STT3A: variants seen among roughly 807,000 people sequenced by gnomAD.
STT3A encodes dolichyl-diphosphooligosaccharide--protein glycosyltransferase subunit STT3A.
Under a neutral mutation model 89.2 loss-of-function variants are expected in STT3A, and 34 were observed. The ratio of observed to expected loss-of-function variants is 0.38; its 90% confidence interval spans 0.29 to 0.51. The LOEUF (loss-of-function observed/expected upper bound fraction) is 0.51, where lower values mean the gene tolerates loss of function less well. Among genes scored for constraint, STT3A ranks in the 20% least tolerant of loss-of-function variants. STT3A has a pLI of 0.89. For missense variants in STT3A, 555 were observed against 889.5 expected, an observed-to-expected ratio of 0.62 and a Z score of 4.78; for synonymous variants, 282 against 310.3, an observed-to-expected ratio of 0.91 and a Z score of 0.96.
At chr11:125,615,093 T>C (rs1940138416) in intron 15 of STT3A, among the ~76,000 whole-genome samples, 1 of 151,990 alleles carries the variant, frequency 6.6e-6, no homozygotes, top group Non-Finnish European at 1.5e-5. Context: ...CTGGGCAACA[T>C]AGTGAAACCT....
At chr11:125,592,533 G>A, upstream of STT3A, 3 of 453,140 alleles carry the variant, frequency 6.6e-6, no homozygotes, top group Non-Finnish European at 1.3e-5. Context: ...AGTGGGCCGC[G>A]CCTTCCCACT....
rs1286167519 is a variant in STT3A at position 125,598,951 on chromosome 11, AC to A, written c.149+1835del. ...CCAATCTGTTAGGCTTCTTTCTCAG[AC>A]CCTCTGAATGAGCAAATATTGATGT... On this transcript the variant is annotated intron_variant, in intron 3 of 17. Coordinates refer to ENST00000392708, the MANE Select transcript of STT3A (RefSeq NM_152713.5). Among the ~76,000 whole-genome samples the A allele has an allele frequency of 3.3e-5, 5 of 152,080 alleles. No homozygotes were observed. In the East Asian group the frequency reaches 9.6e-4, roughly 29 times the overall value.
rs1940097915 is a variant in STT3A at position 125,614,025 on chromosome 11, T to C, written c.1555-62T>C. 2.0e-6 allele frequency: 3 copies of C among 1,468,642 alleles called. No individual in the cohort carries two copies. Among genetic ancestry groups the C allele is most frequent in the Non-Finnish European group, 2.9e-6 (3 of 1,051,646 alleles). The allele number at this position is 1,468,642 out of a possible 1,614,324, so 91.0% of individuals were successfully genotyped here. On this transcript the variant is annotated intron_variant, in intron 13 of 17. Transcript: ENST00000392708. The surrounding 1 kb of genome is among the most constrained non-coding windows in gnomAD (Gnocchi z 4.9). ...TGTCAGACCAAAGATGCCTTCTCTG[T>C]TGCATTTGATTTTTAGAGACAGTGA...
At chr11:125,610,555 A>G (rs970237117) in intron 10 of STT3A, among the ~76,000 whole-genome samples, 19 of 56,666 alleles carry the variant, frequency 3.4e-4, no homozygotes, top group African/African-American at 1.7e-3. Context: ...CCACGTCTTA[A>G]AAAAAACAAC....
At position 125,620,817 on chromosome 11, in the gene STT3A, C is replaced by T. The variant is rs1015243086; in HGVS notation, c.*7C>T. ...AGGCTTGTCAAGGACATAAATGTCA[C>T]GTCCAGCTCTGATATGCTTCGCACT... is the stretch of plus-strand genomic sequence containing the variant. On this transcript the variant is annotated 3_prime_UTR_variant, in exon 18 of 18. Coordinates refer to ENST00000392708, the MANE Select transcript of STT3A (RefSeq NM_152713.5). 95 of 1,612,322 alleles carry T rather than the reference C, an allele frequency of 5.9e-5. No homozygotes were observed. Among genetic ancestry groups the T allele is most frequent in the Non-Finnish European group, 7.8e-5 (92 of 1,179,324 alleles).
At chr11:125,600,115 A>G (rs959678862) in intron 3 of STT3A, among the ~76,000 whole-genome samples, 3 of 148,298 alleles carry the variant, frequency 2.0e-5, no homozygotes, top group Non-Finnish European at 4.5e-5. Context: ...CAATGGCACA[A>G]TCTCAGCTCA....
intron 7 of STT3A, among the ~76,000 whole-genome samples, 180 bp downstream of exon 7, chr11:125,605,915 G>A (rs1402999692): frequency 6.6e-6 from 1 of 151,750 alleles, no homozygotes; most frequent in Non-Finnish European, 1.5e-5. Context: ...GCTTCCACTT[G>A]CTCACATATC....
At chr11:125,610,057 CTT>C (rs66578574) in intron 10 of STT3A, among the ~76,000 whole-genome samples, 204 of 106,000 alleles carry the variant, frequency 1.9e-3, no homozygotes, top group Middle Eastern at 4.7e-3. Flanking sequence ...TAACTTTTAC[CTT>C]TTTTTTTTTT....
In STT3A at chr11:125,618,925, G is replaced by A. The variant is rs144927311; in HGVS notation, c.1963+364G>A. Among the ~76,000 whole-genome samples the A allele has an allele frequency of 1.6e-3, 238 of 152,120 alleles. 2 individuals are homozygous for A. The highest frequency in any genetic ancestry group is 5.4e-3 in the African/African-American group (226 of 41,490). ...TTTTTAAAACTTTTTGTAGAGATGA[G>A]GTCTCACTATGTTGTCTGGGCTGGT... is the stretch of plus-strand genomic sequence containing the variant. On this transcript the variant is annotated intron_variant, in intron 16 of 17. Transcript: ENST00000392708.
chr11:125,618,475 T>C lies in STT3A; in HGVS notation c.1877T>C (p.Val626Ala), dbSNP rs587777216. Residue 626 changes from valine (V) to alanine (A), a missense_variant, in exon 16 of 18, where the codon GTG becomes GCG. Coordinates refer to ENST00000392708, the MANE Select transcript of STT3A (RefSeq NM_152713.5). ...DYYTPTGEFR[V>A]DREGSPVLLN... ...TATACTCCAACTGGGGAGTTCCGTG[T>C]GGACCGTGAAGGTTCTCCAGTGCTG... 2 of 1,614,106 alleles carry C rather than the reference T, an allele frequency of 1.2e-6. No individual in the cohort carries two copies. The highest frequency in any genetic ancestry group is 1.7e-6 in the Non-Finnish European group (2 of 1,180,026).
chr11:125,612,908 A>T, intron 12 of STT3A, 81 bp from the exon 13 acceptor site: 1 of 1,543,988 alleles, frequency 6.5e-7, no homozygotes, highest in Non-Finnish European at 8.9e-7. Context: ...TCTCATCTAT[A>T]TGAATGTGTC....
Position 125,597,012 on chromosome 11 carries a change from T to C in STT3A, c.89-47T>C, listed in dbSNP as rs774311073. ...CATTATAATACTATATCTGCTGTTC[T>C]TTCATGGCACATTACCAATAAAATA... On this transcript the variant is annotated intron_variant, in intron 2 of 17. Coordinates refer to ENST00000392708, the MANE Select transcript of STT3A (RefSeq NM_152713.5). 36 of 1,598,744 alleles carry C rather than the reference T, an allele frequency of 2.3e-5. No individual in the cohort carries two copies. In the East Asian group the frequency reaches 7.4e-4, roughly 33 times the overall value.
At position 125,604,266 on chromosome 11, in the gene STT3A, T is replaced by C. The variant is rs200820163; in HGVS notation, c.508+19T>C. On this transcript the variant is annotated intron_variant, in intron 6 of 17. Transcript: ENST00000392708. Reference sequence around the variant, plus strand: ...AATGAAGGTAAGACTTTTAAAATGCTGAAGAAGATCATCTCACCTCATTAT... The same window carrying C: ...AATGAAGGTAAGACTTTTAAAATGCCGAAGAAGATCATCTCACCTCATTAT... 8 of 1,611,880 alleles carry C rather than the reference T, an allele frequency of 5.0e-6. No individual in the cohort carries two copies. The East Asian group carries it at 1.6e-4, about 31-fold the overall frequency.
At chr11:125,611,045 T>C (rs1387923577) in intron 10 of STT3A, 1 of 153,968 alleles carries the variant, frequency 6.5e-6, no homozygotes, top group Non-Finnish European at 1.4e-5. Flanking sequence ...ATTTCTCTGT[T>C]ACTTAGTATT....
chr11:125,603,153 G>A (rs957686825), intron 5 of STT3A, among the ~76,000 whole-genome samples: 5 of 152,018 alleles, frequency 3.3e-5, no homozygotes, highest in Non-Finnish European at 7.4e-5. Flanking sequence ...GTCCTTATGA[G>A]AGTACAGTTG....
At chr11:125,605,563 A>T in intron 6 of STT3A, 66 bp from the exon 7 acceptor site, 1 of 1,189,628 alleles carries the variant, frequency 8.4e-7, no homozygotes, top group Non-Finnish European at 1.2e-6. Flanking sequence ...TCTGTTCCAG[A>T]ACAGTATTCT....
chr11:125,615,696 G>A (rs903286585), intron 15 of STT3A, among the ~76,000 whole-genome samples: 1 of 152,110 alleles, frequency 6.6e-6, no homozygotes, highest in African/African-American at 2.4e-5. Flanking sequence ...TATTCTGGTG[G>A]GAGGGGATAT....
chr11:125,596,647 T>C (rs1267146386), intron 2 of STT3A, among the ~76,000 whole-genome samples: 1 of 152,232 alleles, frequency 6.6e-6, no homozygotes, highest in Non-Finnish European at 1.5e-5. Context: ...GTTTACTCTG[T>C]ATTTTAGATT....
At chr11:125,608,079 G>T (rs1245370998) in intron 8 of STT3A, 30 bp from the exon 9 acceptor site, 16 of 1,560,662 alleles carry the variant, frequency 1.0e-5, no homozygotes, top group Admixed American at 1.0e-4. Context: ...TTTTTCCTTA[G>T]TATTAACATA....
Sources: gnomAD v4.1 joint callset for allele counts (sites outside exome capture counted in the v4.1 genomes callset) on GRCh38, gnomAD v4.1.1 for gene constraint, Gnocchi (gnomAD v3.1) non-coding constraint, MANE v1.5 for transcripts, NCBI Gene and HGNC (gene_info 2026-07-23, HGNC 2026-07-21) for gene names.